The following MROH9 variants were observed in gnomAD, a reference collection of about 807,000 sequenced individuals.
MROH9 encodes maestro heat-like repeat-containing protein family member 9.
Under a neutral mutation model 98.2 loss-of-function variants are expected in MROH9, and 92 were observed. That is an observed-to-expected ratio of 0.94 (90% CI 0.79 to 1.11). MROH9 has a LOEUF of 1.11. MROH9 is among the 50% of genes most tolerant of loss of function. The pLI is 0.00. For missense variants in MROH9, 1,057 were observed against 1,014.8 expected (o/e 1.04, Z -0.57); for synonymous variants, 397 against 368.9 (o/e 1.08, Z -0.87).
intron 2 of MROH9, 74 bp downstream of exon 2, chr1:170,945,655 CAG>C: frequency 7.7e-7 from 1 of 1,290,562 alleles, no homozygotes; most frequent in Non-Finnish European, 1.1e-6. Context: ...TGACAGATGA[CAG>C]AGAGAAACCT....
chr1:170,998,218 G>C lies in MROH9; in HGVS notation c.1540G>C (p.Val514Leu). 6.2e-7 allele frequency: 1 copy of C among 1,613,218 alleles called. No homozygotes were observed. The highest frequency in any genetic ancestry group is 8.5e-7 in the Non-Finnish European group (1 of 1,179,482). Reference protein sequence around the residue: ...ETLSYLYKLSVEGPRRSEDTV... With the variant: ...ETLSYLYKLSLEGPRRSEDTV... ...CCTGAGTTATCTCTATAAGCTCTCAGTAGAAGGTCCTAGAAGGTCAGAAGA... is the reference window on the plus strand; with the variant it reads ...CCTGAGTTATCTCTATAAGCTCTCACTAGAAGGTCCTAGAAGGTCAGAAGA... Residue 514 changes from valine to leucine, a missense_variant, in exon 15 of 22, where the codon GTA becomes CTA. Coordinates refer to ENST00000367759, the MANE Select transcript of MROH9 (RefSeq NM_001163629.2).
intron 15 of MROH9, among the ~76,000 whole-genome samples, chr1:171,000,046 C>T (rs981598112): frequency 6.6e-6 from 1 of 151,752 alleles, no homozygotes; most frequent in East Asian, 1.9e-4. Context: ...TTTTTTCTTA[C>T]TGATTTGTTT....
At chr1:171,026,888 T>C (rs2101844577) in intron 20 of MROH9, among the ~76,000 whole-genome samples, 1 of 152,108 alleles carries the variant, frequency 6.6e-6, no homozygotes, top group Non-Finnish European at 1.5e-5. Flanking sequence ...GATGGGATAA[T>C]GGGAGCATAT....
chr1:171,008,893 A>C (rs528029106), intron 15 of MROH9, among the ~76,000 whole-genome samples: 1 of 152,294 alleles, frequency 6.6e-6, no homozygotes, highest in African/African-American at 2.4e-5. Context: ...AGAGAGAAAA[A>C]GACATGTATT....
At chr1:171,058,665 G>C (rs904132066) in intron 20 of MROH9, among the ~76,000 whole-genome samples, 5 of 152,262 alleles carry the variant, frequency 3.3e-5, no homozygotes, top group African/African-American at 9.6e-5. Context: ...CAATGGAACA[G>C]AAAAGAGACC....
chr1:171,033,308 A>T (rs1331584728), intron 20 of MROH9, among the ~76,000 whole-genome samples: 1 of 152,252 alleles, frequency 6.6e-6, no homozygotes, highest in Non-Finnish European at 1.5e-5. Flanking sequence ...TCACCCCAGG[A>T]GTTCAGTAAT....
At chr1:170,967,152 T>C (rs1650263860) in intron 7 of MROH9, among the ~76,000 whole-genome samples, 1 of 152,108 alleles carries the variant, frequency 6.6e-6, no homozygotes, top group African/African-American at 2.4e-5. Flanking sequence ...TCTCATAAAT[T>C]GTTAGTTGAG....
At chr1:171,049,675 T>A (rs1479488402) in intron 20 of MROH9, among the ~76,000 whole-genome samples, 3 of 151,800 alleles carry the variant, frequency 2.0e-5, no homozygotes, top group African/African-American at 7.3e-5. Context: ...TTTAATGAGT[T>A]TTTTCTTTTT....
chr1:170,967,792 G>A (rs1422143763), intron 7 of MROH9, among the ~76,000 whole-genome samples: 1 of 152,070 alleles, frequency 6.6e-6, no homozygotes, highest in Non-Finnish European at 1.5e-5. Flanking sequence ...CTTTCAACAG[G>A]CAAAGAAATG....
intron 17 of MROH9, among the ~76,000 whole-genome samples, chr1:171,022,278 C>T (rs999084716): frequency 2.6e-5 from 4 of 152,154 alleles, no homozygotes; most frequent in African/African-American, 9.7e-5. Context: ...AATCATTCTG[C>T]TTTAAAGACA....
At chr1:170,959,265 C>T (rs866647647) in intron 4 of MROH9, among the ~76,000 whole-genome samples, 197 bp from the exon 5 acceptor site, 1 of 152,050 alleles carries the variant, frequency 6.6e-6, no homozygotes, top group Non-Finnish European at 1.5e-5. Flanking sequence ...GTCCCAGCTA[C>T]TCAGGAGGCT....
At chr1:170,971,497 A>C (rs1650454595) in intron 7 of MROH9, among the ~76,000 whole-genome samples, 1 of 152,100 alleles carries the variant, frequency 6.6e-6, no homozygotes, top group Non-Finnish European at 1.5e-5. Context: ...TTTCCTAGGA[A>C]TTTTTCTTCT....
chr1:170,940,497 G>T (rs549755233), intron 1 of MROH9, among the ~76,000 whole-genome samples: 1 of 152,256 alleles, frequency 6.6e-6, no homozygotes, highest in South Asian at 2.1e-4. Flanking sequence ...GTGTATTGCT[G>T]GCCTTTCCAG....
At chr1:170,958,286 T>C (rs1394065613) in intron 3 of MROH9, among the ~76,000 whole-genome samples, 175 bp from the exon 4 acceptor site, 1 of 152,252 alleles carries the variant, frequency 6.6e-6, no homozygotes, top group East Asian at 1.9e-4. Flanking sequence ...CATACTATTG[T>C]AGATTTAAAT....
intron 9 of MROH9, 27 bp downstream of exon 9, chr1:170,983,561 G>T: frequency 7.3e-7 from 1 of 1,375,034 alleles, no homozygotes; most frequent in South Asian, 1.2e-5. Flanking sequence ...TTTTTCCGAG[G>T]GCTTTTGTTT....
intron 3 of MROH9, among the ~76,000 whole-genome samples, chr1:170,950,452 A>T (rs1416312252): frequency 6.6e-6 from 1 of 152,048 alleles, no homozygotes; most frequent in Admixed American, 6.6e-5. Flanking sequence ...TTACAGGAAA[A>T]CATAGAACCA....
intron 15 of MROH9, among the ~76,000 whole-genome samples, chr1:171,009,801 G>A (rs1338452241): frequency 6.6e-6 from 1 of 152,172 alleles, no homozygotes; most frequent in African/African-American, 2.4e-5. Context: ...AAATAGATGA[G>A]TCAGGGACAT....
chr1:171,054,266 A>G (rs72712618), intron 20 of MROH9, among the ~76,000 whole-genome samples: 13,591 of 152,286 alleles, frequency 0.089, 754 homozygotes, highest in Middle Eastern at 0.22. Flanking sequence ...GCAAACAAAA[A>G]TATAAAGTGG....
chr1:171,007,873 C>T (rs1388950955), intron 15 of MROH9, among the ~76,000 whole-genome samples: 1 of 152,170 alleles, frequency 6.6e-6, no homozygotes, highest in Non-Finnish European at 1.5e-5. Flanking sequence ...GAGACCGGGT[C>T]ATTTCTGGGT....
Sources: allele counts gnomAD v4.1 joint callset (sites outside exome capture counted in the v4.1 genomes callset), GRCh38; gene constraint gnomAD v4.1.1; transcripts MANE v1.5; gene names NCBI Gene and HGNC (gene_info 2026-07-23, HGNC 2026-07-21).